Variants in XKR6 observed in about 807,000 individuals in gnomAD.
XKR6 encodes XK related 6, also known as XK-related protein 6.
A neutral mutation model predicts 56.7 loss-of-function variants in XKR6; 22 were observed. The observed-to-expected ratio is 0.39, with a 90% CI of 0.28 to 0.55. The LOEUF (loss-of-function observed/expected upper bound fraction) is 0.55. Among genes scored for constraint, XKR6 ranks in the 20% least tolerant of loss-of-function variants. XKR6 has a pLI of 0.66. For synonymous variants in XKR6, 524 were observed against 387.8 expected, an observed-to-expected ratio of 1.35 and a Z score of -4.13; for missense variants, 852 against 889.0, an observed-to-expected ratio of 0.96 and a Z score of 0.53.
intron 2 of XKR6, 31 bp downstream of exon 2, chr8:10,924,597 AGGCCGG>A (rs1800821462): frequency 1.3e-6 from 2 of 1,575,888 alleles, no homozygotes; most frequent in South Asian, 2.3e-5. Context: ...GGTGGAGGGC[AGGCCGG>A]GGTGGCGGGG....
chr8:10,996,064 A>G (rs1798106739), intron 1 of XKR6, among the ~76,000 whole-genome samples: 1 of 151,714 alleles, frequency 6.6e-6, no homozygotes, highest in African/African-American at 2.4e-5. Context: ...TACACTACAG[A>G]TTCATATAGA....
intron 1 of XKR6, among the ~76,000 whole-genome samples, chr8:11,132,767 G>GCACACACACACACACACACA (rs149748655): frequency 1.4e-5 from 2 of 138,192 alleles, no homozygotes; most frequent in Non-Finnish European, 3.1e-5. Flanking sequence ...ACACACGCAC[G>GCACACACACACACACACACA]CACACACACA....
intron 1 of XKR6, among the ~76,000 whole-genome samples, chr8:11,142,351 T>A (rs917325556): frequency 6.6e-6 from 1 of 152,128 alleles, no homozygotes; most frequent in Non-Finnish European, 1.5e-5. Context: ...GCTTGTAAGG[T>A]CTGATCAAAA....
chr8:11,053,012 C>G (rs572070703), intron 1 of XKR6, among the ~76,000 whole-genome samples: 1 of 152,158 alleles, frequency 6.6e-6, no homozygotes. Context: ...GAGCACTGCG[C>G]GGGGTCCAGC....
At chr8:10,923,130 G>A (rs1357646779) in intron 2 of XKR6, among the ~76,000 whole-genome samples, 2 of 152,240 alleles carry the variant, frequency 1.3e-5, no homozygotes, top group Non-Finnish European at 2.9e-5. Flanking sequence ...TGGGTGCCCA[G>A]AAAACAGAGG....
At chr8:10,976,071 G>C (rs4078190) in intron 1 of XKR6, among the ~76,000 whole-genome samples, 1 of 151,710 alleles carries the variant, frequency 6.6e-6, no homozygotes, top group Non-Finnish European at 1.5e-5. Context: ...AGCTACTTGG[G>C]AGGCTGAGGC....
intron 1 of XKR6, among the ~76,000 whole-genome samples, chr8:11,148,808 T>G (rs1404636012): frequency 2.6e-5 from 4 of 152,200 alleles, no homozygotes; most frequent in Non-Finnish European, 5.9e-5. Context: ...GACAAACTGG[T>G]GTTTCCATAT....
chr8:10,917,954 C>T (rs1026456603), intron 2 of XKR6, among the ~76,000 whole-genome samples: 10 of 152,268 alleles, frequency 6.6e-5, no homozygotes, highest in South Asian at 2.1e-4. Context: ...AACAGGCAGC[C>T]TTAGAAGATG....
chr8:11,172,279 A>C (rs1802418004), intron 1 of XKR6, among the ~76,000 whole-genome samples: 1 of 152,132 alleles, frequency 6.6e-6, no homozygotes, highest in Non-Finnish European at 1.5e-5. Flanking sequence ...CTGAGGTAGA[A>C]GGATCACCTG....
intron 1 of XKR6, among the ~76,000 whole-genome samples, chr8:11,128,599 G>C (rs1344242775): frequency 6.6e-6 from 1 of 152,094 alleles, no homozygotes; most frequent in South Asian, 2.1e-4. Flanking sequence ...GTTTATCCAA[G>C]TACCACCTAG....
intron 1 of XKR6, among the ~76,000 whole-genome samples, chr8:11,060,011 T>C (rs1799790711): frequency 6.6e-6 from 1 of 152,110 alleles, no homozygotes; most frequent in African/African-American, 2.4e-5. Flanking sequence ...GGCAATAAGG[T>C]CTGGTTTAAA....
intron 1 of XKR6, among the ~76,000 whole-genome samples, chr8:11,177,562 G>A (rs1049692425): frequency 6.6e-6 from 1 of 152,056 alleles, no homozygotes; most frequent in African/African-American, 2.4e-5. Context: ...AACTTAAGGT[G>A]AGGTCATAAT....
intron 1 of XKR6, among the ~76,000 whole-genome samples, chr8:11,196,551 G>A (rs1268099957): frequency 6.6e-6 from 1 of 152,202 alleles, no homozygotes; most frequent in Non-Finnish European, 1.5e-5. Context: ...AAGTCATTTT[G>A]TTATGGTATT....
At chr8:10,933,565 G>T (rs1407861093) in intron 1 of XKR6, among the ~76,000 whole-genome samples, 1 of 109,848 alleles carries the variant, frequency 9.1e-6, no homozygotes, top group Non-Finnish European at 1.9e-5. Flanking sequence ...ATCTTGAATT[G>T]ATTTTTGTAT....
At chr8:11,186,480 A>C (rs1803282676) in intron 1 of XKR6, among the ~76,000 whole-genome samples, 1 of 152,112 alleles carries the variant, frequency 6.6e-6, no homozygotes, top group Non-Finnish European at 1.5e-5. Flanking sequence ...GGGCTCAAGT[A>C]GTCTTCCCAT....
chr8:11,154,757 C>G (rs767079875), intron 1 of XKR6, among the ~76,000 whole-genome samples: 1 of 152,180 alleles, frequency 6.6e-6, no homozygotes, highest in Non-Finnish European at 1.5e-5. Context: ...TTGGTTCCTT[C>G]TCTGCCTATA....
In XKR6 at chr8:11,038,411, G is replaced by A. The variant is rs562878383; in HGVS notation, c.765-113581C>T. 2.6e-5 allele frequency among the ~76,000 whole-genome samples: 4 copies of A among 152,188 alleles called. No homozygotes were observed. In the South Asian group the frequency reaches 8.3e-4, roughly 32 times the overall value. ...AAGTATAATTAAATCAGAGAGCAGG[G>A]ACACATTGTGTGGAGAGGCACGAAT... is the stretch of plus-strand genomic sequence containing the variant. On this transcript the variant is annotated intron_variant, in intron 1 of 2. Transcript: ENST00000416569.
chr8:10,923,233 C>T (rs1800775387), intron 2 of XKR6, among the ~76,000 whole-genome samples: 1 of 152,238 alleles, frequency 6.6e-6, no homozygotes, highest in Non-Finnish European at 1.5e-5. Flanking sequence ...TCAGGCCTGG[C>T]TTTCCCTGTG....
At chr8:11,002,123 A>G (rs1798255711) in intron 1 of XKR6, among the ~76,000 whole-genome samples, 1 of 151,410 alleles carries the variant, frequency 6.6e-6, no homozygotes, top group Non-Finnish European at 1.5e-5. Context: ...AAGAAAGTGC[A>G]AATGCTTCCG....
Sources: gnomAD v4.1 joint callset for allele counts (sites outside exome capture counted in the v4.1 genomes callset) on GRCh38, gnomAD v4.1.1 for gene constraint, MANE v1.5 for transcripts, NCBI Gene and HGNC (gene_info 2026-07-23, HGNC 2026-07-21) for gene names.